The following GAREM1 variants were observed in gnomAD, a reference collection of about 807,000 sequenced individuals.
GAREM1 encodes GRB2 associated regulator of MAPK1 subtype 1, also known as GRB2-associated and regulator of MAPK protein 1.
Under a neutral mutation model 71.3 loss-of-function variants are expected in GAREM1, and 26 were observed. That is an observed-to-expected ratio of 0.36 (90% CI 0.27 to 0.51). The LOEUF is 0.51. Ranked by LOEUF, GAREM1 falls within the 20% of genes least tolerant of loss-of-function variation. The probability of loss-of-function intolerance (pLI) is 0.95; values close to 1 mark genes in which losing one functional copy is unlikely to be tolerated. For synonymous variants in GAREM1, 440 were observed against 433.2 expected (o/e 1.02, Z -0.20); for missense variants, 1,026 against 1,103.1 (o/e 0.93, Z 0.99).
intron 2 of GAREM1, among the ~76,000 whole-genome samples, chr18:32,388,228 T>A (rs1234671370): frequency 6.6e-6 from 1 of 152,096 alleles, no homozygotes; most frequent in Non-Finnish European, 1.5e-5. Context: ...AAGTCCATGC[T>A]CATAATAGCA....
intron 2 of GAREM1, among the ~76,000 whole-genome samples, chr18:32,351,879 T>C (rs1205131222): frequency 6.6e-6 from 1 of 152,188 alleles, no homozygotes; most frequent in African/African-American, 2.4e-5. Context: ...GAGAAATGCC[T>C]GTGTAAAGTA....
chr18:32,371,577 G>T (rs763782666), intron 2 of GAREM1, among the ~76,000 whole-genome samples: 1 of 152,162 alleles, frequency 6.6e-6, no homozygotes, highest in Non-Finnish European at 1.5e-5. Flanking sequence ...GGCTTGGGTA[G>T]GGATACCACC....
At position 32,392,334 on chromosome 18, in the gene GAREM1, T is replaced by C. The variant is rs141234422; in HGVS notation, c.262+561A>G. 2.5e-4 allele frequency among the ~76,000 whole-genome samples: 38 copies of C among 152,268 alleles called. No individual in the cohort carries two copies. The South Asian group carries it at 2.9e-3, about 12-fold the overall frequency. ...AATAAAAATCAGTTATATGGCACTA[T>C]TGCATTGAGTCGGGTTCAAAGTGAG... On this transcript the variant is annotated intron_variant, in intron 2 of 5. Coordinates refer to ENST00000269209, the MANE Select transcript of GAREM1 (RefSeq NM_001242409.2).
chr18:32,353,259 C>T (rs970254237), intron 2 of GAREM1, among the ~76,000 whole-genome samples: 14 of 152,110 alleles, frequency 9.2e-5, no homozygotes, highest in African/African-American at 3.4e-4. Flanking sequence ...CTTTTGAGGG[C>T]ATATTGTGGG....
chr18:32,384,789 A>G (rs540047799), intron 2 of GAREM1, among the ~76,000 whole-genome samples: 1 of 152,326 alleles, frequency 6.6e-6, no homozygotes, highest in African/African-American at 2.4e-5. Context: ...CTAGAAAGCT[A>G]TACTGAAGAT....
rs1458155652 is a variant in GAREM1, at chr18:32,337,730, G to A, written c.263-27407C>T. ...CAGAAGGTGTTTCCAATGGCTATAG[G>A]ATATCTCAGTAAGACCTTGTTTTCT... On this transcript the variant is annotated intron_variant, in intron 2 of 5. Transcript: ENST00000269209. Among the ~76,000 whole-genome samples the A allele has an allele frequency of 2.6e-5, 4 of 152,132 alleles. No homozygotes were observed. The South Asian group carries it at 8.3e-4, about 32-fold the overall frequency.
chr18:32,268,456 G>GC lies in GAREM1; in HGVS notation c.2045dup (p.Ser682ArgfsTer9). 6.2e-7 allele frequency: 1 copy of GC among 1,614,186 alleles called. No homozygotes were observed. Among genetic ancestry groups the GC allele is most frequent in the Non-Finnish European group, 8.5e-7 (1 of 1,180,022 alleles). On this transcript the variant is annotated frameshift_variant, in exon 6 of 6. Coordinates refer to ENST00000269209, the MANE Select transcript of GAREM1 (RefSeq NM_001242409.2). LOFTEE classifies it high-confidence loss of function. The stretch of plus-strand genomic sequence containing the variant: ...TGCTACTGAATTCTGCAGTGACTGG[G>GC]CTAGTGGGGCTGGCCAGGAGCTCAC...
chr18:32,467,889 T>C (rs2049013333), intron 1 of GAREM1, among the ~76,000 whole-genome samples: 1 of 152,026 alleles, frequency 6.6e-6, no homozygotes, highest in Non-Finnish European at 1.5e-5. Context: ...TACCAGCATG[T>C]CCTCAACCTG....
intron 1 of GAREM1, among the ~76,000 whole-genome samples, chr18:32,459,713 G>A (rs4414559): frequency 6.6e-6 from 1 of 152,118 alleles, no homozygotes; most frequent in Non-Finnish European, 1.5e-5. Context: ...GGCTAAAAAT[G>A]AAGATCTAGG....
At chr18:32,372,690 T>G (rs2047994609) in intron 2 of GAREM1, among the ~76,000 whole-genome samples, 1 of 152,332 alleles carries the variant, frequency 6.6e-6, no homozygotes, top group East Asian at 1.9e-4. Context: ...TAGTGTGGTG[T>G]TGCAATGTCA....
intron 1 of GAREM1, among the ~76,000 whole-genome samples, chr18:32,457,311 G>C (rs1427912546): frequency 2.0e-5 from 3 of 150,654 alleles, no homozygotes; most frequent in African/African-American, 4.9e-5. Flanking sequence ...CAAGACTTCA[G>C]AATACCTAAG....
chr18:32,397,741 T>TA (rs1391570892), intron 1 of GAREM1, among the ~76,000 whole-genome samples: 2 of 152,178 alleles, frequency 1.3e-5, no homozygotes, highest in Admixed American at 6.5e-5. Context: ...ATTAGACAGA[T>TA]AGAGACAGAA....
At chr18:32,342,230 T>C (rs1416809370) in intron 2 of GAREM1, among the ~76,000 whole-genome samples, 1 of 152,158 alleles carries the variant, frequency 6.6e-6, no homozygotes, top group South Asian at 2.1e-4. Flanking sequence ...AGCATCTTGC[T>C]TGAGGTCTCG....
intron 2 of GAREM1, among the ~76,000 whole-genome samples, chr18:32,364,010 ATATATATATATATATATGTTTTT>A (rs1567980617): frequency 1.7e-4 from 8 of 47,962 alleles, no homozygotes; most frequent in African/African-American, 8.1e-4. Context: ...ATATATATAT[ATATATATATATATATATGTTTTT>A]TTTTTTTTTT....
rs866393043 is a variant in GAREM1, at chr18:32,379,462, G to A, written c.262+13433C>T. 5.0e-3 allele frequency among the ~76,000 whole-genome samples: 438 copies of A among 87,194 alleles called. 2 individuals are homozygous for A. The highest frequency in any genetic ancestry group is 0.017 in the Middle Eastern group (4 of 230). The allele number at this position is 87,194 out of a possible 152,430, so 57.2% of individuals were successfully genotyped here. On this transcript the variant is annotated intron_variant, in intron 2 of 5. Coordinates refer to ENST00000269209, the MANE Select transcript of GAREM1 (RefSeq NM_001242409.2). ...GTAATCCCAGCACTTTGGGAGGCCG[G>A]GGGGGGTGGGGGGCGGGGTGGATCA...
At chr18:32,313,515 A>G (rs920421513) in intron 2 of GAREM1, among the ~76,000 whole-genome samples, 1 of 152,174 alleles carries the variant, frequency 6.6e-6, no homozygotes, top group Non-Finnish European at 1.5e-5. Flanking sequence ...TATTAAAAGG[A>G]TCATATTTCC....
At chr18:32,277,691 T>C (rs1230734269) in intron 4 of GAREM1, among the ~76,000 whole-genome samples, 10 of 152,228 alleles carry the variant, frequency 6.6e-5, no homozygotes, top group Admixed American at 5.9e-4. Flanking sequence ...CATTTAACCT[T>C]CTTTTCCCTT....
intron 2 of GAREM1, among the ~76,000 whole-genome samples, chr18:32,371,500 T>C (rs2047979424): frequency 1.3e-5 from 2 of 152,152 alleles, no homozygotes; most frequent in East Asian, 3.8e-4. Context: ...GCAGAGAAGA[T>C]AGAATCAGTG....
At chr18:32,275,954 C>T (rs762901681) in intron 4 of GAREM1, among the ~76,000 whole-genome samples, 7 of 152,176 alleles carry the variant, frequency 4.6e-5, no homozygotes, top group Non-Finnish European at 8.8e-5. Context: ...GGATTACAGG[C>T]GTGAGCCACC....
Sources: allele counts gnomAD v4.1 joint callset (sites outside exome capture counted in the v4.1 genomes callset), GRCh38; gene constraint gnomAD v4.1.1; transcripts MANE v1.5; gene names NCBI Gene and HGNC (gene_info 2026-07-23, HGNC 2026-07-21).